Variants in ABHD3 observed in about 807,000 individuals in gnomAD.
ABHD3 encodes the protein abhydrolase domain containing 3, phospholipase.
ABHD3 carries 46 observed loss-of-function variants against 48.8 expected under a neutral mutation model. The ratio of observed to expected loss-of-function variants is 0.94; its 90% CI spans 0.74 to 1.20. The LOEUF (loss-of-function observed/expected upper bound fraction) is 1.20, where lower values mean the gene tolerates loss of function less well. ABHD3 is among the 50% of genes most tolerant of loss of function. The pLI, the probability that ABHD3 is intolerant of heterozygous loss-of-function variation, is 0.00. For missense variants in ABHD3, 490 were observed against 497.8 expected (o/e 0.98, Z 0.15); for synonymous variants, 192 against 183.7 (o/e 1.04, Z -0.36).
intron 5 of ABHD3, chr18:21,663,613 C>T (rs1207777610): frequency 6.7e-7 from 1 of 1,485,764 alleles, no homozygotes; most frequent in Non-Finnish European, 9.0e-7. Flanking sequence ...ATTTCAGTTT[C>T]TAGGAGAGCA....
At chr18:21,661,884 C>G (rs2039507687) in intron 5 of ABHD3, 1 of 152,026 alleles carries the variant, frequency 6.6e-6, no homozygotes, top group African/African-American at 2.4e-5. Flanking sequence ...ATTGGTCAGG[C>G]TGGTCTCGAA....
rs1174421326 is a variant in ABHD3, at chr18:21,651,604, T to C, written c.1217A>G (p.His406Arg). The change falls in exon 9 of 9, where the codon CAT becomes CGT. Residue 406 changes from histidine to arginine, a missense_variant. Coordinates refer to ENST00000289119, the MANE Select transcript of ABHD3 (RefSeq NM_138340.5). ...QFVQAMVEHG[H>R]ELS is the part of the protein sequence containing the mutation. ...AAGAACTACATGTTAAGAGAGTTCA[T>C]GTCCATGCTCAACCATGGCTTGCAC... 1.2e-6 allele frequency: 2 copies of C among 1,614,036 alleles called. No homozygotes were observed. The highest frequency in any genetic ancestry group is 1.7e-5 in the Admixed American group (1 of 60,002).
At chr18:21,677,291 T>C (rs1468219810) in intron 4 of ABHD3, among the ~76,000 whole-genome samples, 1 of 152,016 alleles carries the variant, frequency 6.6e-6, no homozygotes, top group African/African-American at 2.4e-5. Flanking sequence ...GCCTCCTGGG[T>C]TCACGCCATT....
intron 3 of ABHD3, among the ~76,000 whole-genome samples, chr18:21,697,943 T>C (rs906687625): frequency 2.0e-5 from 3 of 152,100 alleles, no homozygotes; most frequent in African/African-American, 7.2e-5. Flanking sequence ...CAGTAAATCA[T>C]TGACAGTTCC....
intron 5 of ABHD3, chr18:21,663,826 C>G: frequency 1.3e-6 from 2 of 1,526,612 alleles, no homozygotes; most frequent in Non-Finnish European, 1.8e-6. Context: ...ATCAGAAGGT[C>G]AACATGGCAG....
intron 4 of ABHD3, among the ~76,000 whole-genome samples, chr18:21,664,878 A>G (rs1238995266): frequency 6.6e-6 from 1 of 152,156 alleles, no homozygotes; most frequent in Non-Finnish European, 1.5e-5. Flanking sequence ...ACAGTGATTC[A>G]CCTGCTTTGG....
chr18:21,680,560 T>G (rs1017259125), intron 4 of ABHD3, among the ~76,000 whole-genome samples: 1 of 152,168 alleles, frequency 6.6e-6, no homozygotes, highest in Non-Finnish European at 1.5e-5. Context: ...ATTAGCTATT[T>G]TGAGACACAT....
At position 21,664,007 on chromosome 18, in the gene ABHD3, T is replaced by A. The variant is rs766379917; in HGVS notation, c.668+111A>T. ...ATTTAATAAAATATGATAAACATAA[T>A]CAGACATTTATTTAAAAAGTGTCCA... On this transcript the variant is annotated intron_variant, in intron 5 of 8. Coordinates refer to ENST00000289119, the MANE Select transcript of ABHD3 (RefSeq NM_138340.5). 778 of 1,440,908 alleles carry A rather than the reference T, an allele frequency of 5.4e-4. 1 individual carries two copies. The highest frequency in any genetic ancestry group is 6.6e-4 in the Non-Finnish European group (721 of 1,099,708). The allele number at this position is 1,440,908 out of a possible 1,614,324, so 89.3% of individuals were successfully genotyped here.
At chr18:21,696,071 CT>C (rs1261293043) in intron 3 of ABHD3, among the ~76,000 whole-genome samples, 1 of 150,930 alleles carries the variant, frequency 6.6e-6, no homozygotes, top group African/African-American at 2.4e-5. Flanking sequence ...TTCTTCCCCC[CT>C]AGTAATAATG....
rs2039209624 is a variant in ABHD3 at position 21,650,972 on chromosome 18, T to C, written c.*619A>G. The C allele has an allele frequency of 6.6e-6, 1 of 152,280 alleles. No individual in the cohort carries two copies. Among genetic ancestry groups the C allele is most frequent in the East Asian group, 1.9e-4 (1 of 5,194 alleles). The allele number at this position is 152,280 out of a possible 1,614,324, so 9.4% of individuals were successfully genotyped here. On this transcript the variant is annotated 3_prime_UTR_variant, in exon 9 of 9. Coordinates refer to ENST00000289119, the MANE Select transcript of ABHD3 (RefSeq NM_138340.5). ...ACATATACTATTTTAAAAATAAGCA[T>C]GTAAATTATAATCATTATAAAACAT...
At chr18:21,659,794 G>T (rs533597245) in intron 5 of ABHD3, among the ~76,000 whole-genome samples, 1 of 151,782 alleles carries the variant, frequency 6.6e-6, no homozygotes, top group Non-Finnish European at 1.5e-5. Flanking sequence ...TCAGCCTCCC[G>T]CGTAGCTGGG....
intron 5 of ABHD3, among the ~76,000 whole-genome samples, chr18:21,659,578 A>G (rs1236134960): frequency 2.0e-5 from 3 of 152,180 alleles, no homozygotes; most frequent in Non-Finnish European, 2.9e-5. Context: ...TTCCTTATAT[A>G]TGTATCCTAT....
intron 3 of ABHD3, 97 bp downstream of exon 3, chr18:21,702,218 TG>T (rs2040528185): frequency 9.1e-7 from 1 of 1,104,106 alleles, no homozygotes; most frequent in African/African-American, 1.6e-5. Context: ...TGCTTTTCTA[TG>T]CAAGAAGTAC....
At chr18:21,659,473 T>C in intron 5 of ABHD3, 130 bp from the exon 6 acceptor site, 1 of 807,420 alleles carries the variant, frequency 1.2e-6, no homozygotes, top group Non-Finnish European at 1.9e-6. Flanking sequence ...TCCTCTATCC[T>C]GGAAAAGCAT....
intron 4 of ABHD3, among the ~76,000 whole-genome samples, chr18:21,676,790 G>C (rs80047107): frequency 0.011 from 1,615 of 152,212 alleles, 36 homozygotes; most frequent in African/African-American, 0.037. Context: ...ATTTTGGGCA[G>C]TGCTGCTTTA....
intron 4 of ABHD3, among the ~76,000 whole-genome samples, chr18:21,668,200 CAAAAAAAAAAAAA>C (rs747590942): frequency 1.6e-5 from 1 of 61,354 alleles, no homozygotes; most frequent in Non-Finnish European, 2.9e-5. Context: ...GAATCTATCT[CAAAAAAAAAAAAA>C]AAAAAAAGAA....
At chr18:21,665,065 C>T (rs377392031) in intron 4 of ABHD3, among the ~76,000 whole-genome samples, 1 of 152,038 alleles carries the variant, frequency 6.6e-6, no homozygotes, top group East Asian at 1.9e-4. Flanking sequence ...CTGCCTCACT[C>T]CCCTGAGTAG....
chr18:21,677,361 AT>A (rs564576359), intron 4 of ABHD3, among the ~76,000 whole-genome samples: 732 of 139,520 alleles, frequency 5.2e-3, no homozygotes, highest in Middle Eastern at 0.014. Flanking sequence ...CGCCTGGCAA[AT>A]TTTTTTTTTT....
chr18:21,700,952 CAAAAAAA>C (rs34993965), intron 3 of ABHD3, among the ~76,000 whole-genome samples: 8 of 81,666 alleles, frequency 9.8e-5, no homozygotes, highest in Non-Finnish European at 1.7e-4. Flanking sequence ...GATTTGGCCT[CAAAAAAA>C]AAAAAAAAAA....
Sources: allele counts gnomAD v4.1 joint callset (sites outside exome capture counted in the v4.1 genomes callset), GRCh38; gene constraint gnomAD v4.1.1; transcripts MANE v1.5; gene names NCBI Gene and HGNC (gene_info 2026-07-23, HGNC 2026-07-21).